ZPR1: variants seen among roughly 807,000 people sequenced by gnomAD.
ZPR1 encodes zinc finger protein ZPR1.
ZPR1 carries 37 observed loss-of-function variants against 59.6 expected under a neutral mutation model. The ratio of observed to expected loss-of-function variants is 0.62; its 90% CI spans 0.48 to 0.82. The LOEUF (loss-of-function observed/expected upper bound fraction) is 0.82, where lower values mean the gene tolerates loss of function less well. ZPR1 is among the 40% of genes least tolerant of loss of function. ZPR1 has a pLI of 0.00. For synonymous variants in ZPR1, 191 were observed against 215.2 expected (o/e 0.89, Z 0.99); for missense variants, 527 against 579.9 (o/e 0.91, Z 0.94).
At chr11:116,780,015 G>A (rs1203589448) in intron 12 of ZPR1, among the ~76,000 whole-genome samples, 178 bp from the exon 13 acceptor site, 1 of 151,398 alleles carries the variant, frequency 6.6e-6, no homozygotes, top group Non-Finnish European at 1.5e-5. Flanking sequence ...TGCACGTTGT[G>A]CACATGTACC....
In ZPR1 at chr11:116,787,513, AC is replaced by A; in HGVS notation, c.301del (p.Val101CysfsTer13). On this transcript the variant is annotated frameshift_variant, in exon 2 of 14. Coordinates refer to ENST00000227322, the MANE Select transcript of ZPR1 (RefSeq NM_003904.5). LOFTEE classifies it high-confidence loss of function. The stretch of plus-strand genomic sequence containing the variant: ...AGCCCTGACAGACAAAGTGTAGCGC[AC>A]TCCCTGGTCCTGGATCCTGCCTGCC... ...QSAGRIQDQG[V>X]RYTLSVRALE... The A allele has an allele frequency of 6.2e-7, 1 of 1,613,562 alleles. No individual in the cohort carries two copies. Among genetic ancestry groups the A allele is most frequent in the Non-Finnish European group, 8.5e-7 (1 of 1,179,882 alleles).
At chr11:116,785,974 C>T (rs1940882062) in intron 4 of ZPR1, 92 bp from the exon 5 acceptor site, 2 of 1,091,112 alleles carry the variant, frequency 1.8e-6, no homozygotes, top group Non-Finnish European at 2.8e-6. Context: ...TAGGAAGTCA[C>T]CACCTATCTC....
intron 12 of ZPR1, among the ~76,000 whole-genome samples, chr11:116,781,812 A>C (rs565019898): frequency 5.3e-5 from 8 of 152,254 alleles, no homozygotes; most frequent in African/African-American, 1.4e-4. Flanking sequence ...GGAGTTCGAG[A>C]CCAGTCTGGC....
intron 11 of ZPR1, 101 bp downstream of exon 11, chr11:116,782,818 C>A: frequency 1.1e-6 from 1 of 893,822 alleles, no homozygotes. Context: ...AAGAAACCCA[C>A]AGTTACCAGC....
Position 116,778,862 on chromosome 11 carries a change from CA to C in ZPR1, c.*62del, listed in dbSNP as rs1374303262. On this transcript the variant is annotated 3_prime_UTR_variant, in exon 14 of 14. Transcript: ENST00000227322. ...GACACTCCCAGCCTTCGCCTTCATC[CA>C]ATACTAATAAATAACCTACAGAAAG... 6.3e-7 allele frequency: 1 copy of C among 1,581,830 alleles called. No homozygotes were observed. Among genetic ancestry groups the C allele is most frequent in the Non-Finnish European group, 8.6e-7 (1 of 1,167,474 alleles).
In ZPR1 at chr11:116,784,934, A is replaced by G; in HGVS notation, c.754-13T>C. 6.2e-7 allele frequency: 1 copy of G among 1,614,118 alleles called. No homozygotes were observed. Among genetic ancestry groups the G allele is most frequent in the African/African-American group, 1.3e-5 (1 of 75,024 alleles). The stretch of plus-strand genomic sequence containing the variant: ...TGAACTGGAGCACCTGGAACACAAC[A>G]TGAGGACAAAGGGTGAGCCCTCCCA... On this transcript the variant is annotated splice_polypyrimidine_tract_variant and intron_variant, in intron 7 of 13. Transcript: ENST00000227322.
Position 116,783,569 on chromosome 11 carries a change from G to A in ZPR1, c.942C>T (p.His314=). 1 of 1,614,180 alleles carries A rather than the reference G, an allele frequency of 6.2e-7. No individual in the cohort carries two copies. The highest frequency in any genetic ancestry group is 8.5e-7 in the Non-Finnish European group (1 of 1,180,026). ...VEPLGTRITL[H]ITDASDMTRD... is the part of the protein sequence containing the mutation. The stretch of plus-strand genomic sequence containing the variant: ...TGGTCATATCTGAGGCATCTGTGAT[G>A]TGGAGGGTGATCCTGGTGCCCAAGG... The change falls in exon 10 of 14, where the codon CAC becomes CAT. Residue 314 remains histidine (H), a synonymous_variant. Transcript: ENST00000227322.
chr11:116,784,235 A>G (rs751786297), intron 9 of ZPR1, 143 bp downstream of exon 9: 11 of 740,160 alleles, frequency 1.5e-5, no homozygotes, highest in Non-Finnish European at 2.5e-5. Flanking sequence ...TCAAGGGCTC[A>G]TCACCCTGCA....
At position 116,776,267 on chromosome 11, in the gene ZPR1, A is replaced by T. The variant is rs188768332; in HGVS notation, c.*2658T>A. 2 of 152,210 alleles carry T rather than the reference A, an allele frequency of 1.3e-5. No homozygotes were observed. The highest frequency in any genetic ancestry group is 4.8e-5 in the African/African-American group (2 of 41,454). The allele number at this position is 152,210 out of a possible 1,614,324, so 9.4% of individuals were successfully genotyped here. A position where few individuals can be genotyped will look rare whatever the true frequency, so the allele number is the denominator to read the frequency against. On this transcript the variant is annotated 3_prime_UTR_variant, in exon 14 of 14. Transcript: ENST00000227322. ...ACAATCACAAACCTTTTCCACTTAA[A>T]TGTTACTCATGGCTGTGAAACTGAA...
At chr11:116,779,862 A>C in intron 12 of ZPR1, 25 bp from the exon 13 acceptor site, 3 of 1,399,736 alleles carry the variant, frequency 2.1e-6, no homozygotes, top group Non-Finnish European at 2.9e-6. Context: ...GAACACAGCA[A>C]GTAAATTTTA....
intron 13 of ZPR1, 78 bp downstream of exon 13, chr11:116,779,694 G>T: frequency 9.0e-7 from 1 of 1,116,890 alleles, no homozygotes; most frequent in Non-Finnish European, 1.3e-6. Flanking sequence ...AAGTCTTTCA[G>T]TTTCTAGGGA....
Position 116,785,548 on chromosome 11 carries a change from C to T in ZPR1, c.671G>A (p.Arg224Gln), listed in dbSNP as rs766166710. The T allele has an allele frequency of 1.7e-5, 27 of 1,614,104 alleles. No homozygotes were observed. In the Admixed American group the frequency reaches 1.8e-4, roughly 11 times the overall value. The change falls in exon 6 of 14, where the codon CGG becomes CAG. Residue 224 changes from arginine to glutamine, a missense_variant. By Grantham distance (43) the Arg-to-Gln change is conservative. Coordinates refer to ENST00000227322, the MANE Select transcript of ZPR1 (RefSeq NM_003904.5). ...CAGCATCTCTTCCTGCTGTCGGGTC[C>T]GGTTGTAGTGTGTGATCACCAGGGC... ...DDALVITHYNRTRQQEEMLGL... is the reference protein window; with the variant it reads ...DDALVITHYNQTRQQEEMLGL...
intron 10 of ZPR1, 90 bp from the exon 11 acceptor site, chr11:116,783,119 G>C (rs1188601831): frequency 2.1e-6 from 2 of 940,312 alleles, no homozygotes; most frequent in Non-Finnish European, 3.4e-6. Flanking sequence ...AGCAGTGATA[G>C]ACTGCGGACA....
rs1360758365 is a variant in ZPR1 at position 116,787,878 on chromosome 11, T to C, written c.113A>G (p.Glu38Gly). The C allele has an allele frequency of 6.6e-7, 1 of 1,526,322 alleles. No individual in the cohort carries two copies. Among genetic ancestry groups the C allele is most frequent in the South Asian group, 1.2e-5 (1 of 83,516 alleles). 94.5% of individuals were successfully genotyped at this position (1,526,322 alleles called of 1,614,324 possible). A position where few individuals can be genotyped will look rare whatever the true frequency, so the allele number is the denominator to read the frequency against. Residue 38 changes from glutamate to glycine, a missense_variant, in exon 1 of 14, where the codon GAG becomes GGG. By Grantham distance (98) the Glu-to-Gly change is moderately conservative. Coordinates refer to ENST00000227322, the MANE Select transcript of ZPR1 (RefSeq NM_003904.5). Reference protein sequence around the residue: ...PDHLFRPISAEDEEQQPTEIE... With the variant: ...PDHLFRPISAGDEEQQPTEIE... ...CTCGGTGGGCTGCTGCTCCTCGTCC[T>C]CGGCGCTGATGGGCCGGAACAGGTG...
At chr11:116,787,790 C>T (rs551067326) in intron 1 of ZPR1, 30 bp downstream of exon 1, 243 of 1,536,306 alleles carry the variant, frequency 1.6e-4, no homozygotes, top group Non-Finnish European at 2.0e-4. Flanking sequence ...CCCTACCCAC[C>T]CGCCGCTCGC....
intron 3 of ZPR1, 72 bp downstream of exon 3, chr11:116,786,897 G>C: frequency 8.1e-7 from 1 of 1,227,080 alleles, no homozygotes; most frequent in Non-Finnish European, 1.2e-6. Context: ...CTGGCACCAG[G>C]GGGTTTTGCA....
intron 3 of ZPR1, 74 bp downstream of exon 3, chr11:116,786,895 A>G (rs1161537891): frequency 1.7e-6 from 2 of 1,205,160 alleles, no homozygotes; most frequent in African/African-American, 1.5e-5. Flanking sequence ...ACCTGGCACC[A>G]GGGGGTTTTG....
Position 116,774,156 on chromosome 11 carries a change from C to T in ZPR1, c.*4769G>A, listed in dbSNP as rs1940690108. 6.6e-6 allele frequency: 1 copy of T among 152,084 alleles called. No homozygotes were observed. The highest frequency in any genetic ancestry group is 1.5e-5 in the Non-Finnish European group (1 of 68,018). 9.4% of individuals were successfully genotyped at this position (152,084 alleles called of 1,614,324 possible). On this transcript the variant is annotated 3_prime_UTR_variant, in exon 14 of 14. Transcript: ENST00000227322. ...AATGTGATGACTGGATATAATTATA[C>T]ATTGTGTAATGATTACCAAAATCAA...
chr11:116,782,223 G>C lies in ZPR1; in HGVS notation c.1114C>G (p.Leu372Val), dbSNP rs769970984. The C allele has an allele frequency of 5.6e-6, 9 of 1,614,106 alleles. No homozygotes were observed. The South Asian group carries it at 8.8e-5, about 16-fold the overall frequency. ...RELVTKNPFT[L>V]GDSSNPGQTE... ...TGTCCAGGATTGGAACTGTCGCCCAGTGTGAAAGGATTTTTGGTCACCTGC... is the reference window on the plus strand; with the variant it reads ...TGTCCAGGATTGGAACTGTCGCCCACTGTGAAAGGATTTTTGGTCACCTGC... Residue 372 changes from leucine to valine, a missense_variant, in exon 12 of 14, where the codon CTG becomes GTG. By Grantham distance (32) the Leu-to-Val change is conservative. Coordinates refer to ENST00000227322, the MANE Select transcript of ZPR1 (RefSeq NM_003904.5).
Sources: gnomAD v4.1 joint callset for allele counts (sites outside exome capture counted in the v4.1 genomes callset) on GRCh38, gnomAD v4.1.1 for gene constraint, MANE v1.5 for transcripts, NCBI Gene and HGNC (gene_info 2026-07-23, HGNC 2026-07-21) for gene names.